PDE4D: variants seen among roughly 807,000 people sequenced by gnomAD.
PDE4D encodes 3',5'-cyclic-AMP phosphodiesterase 4D.
In PDE4D, 24 loss-of-function variants were observed where a neutral mutation model predicts 87.4. The observed-to-expected ratio is 0.27, with a 90% confidence interval of 0.20 to 0.39. The LOEUF (loss-of-function observed/expected upper bound fraction) is 0.39, where lower values mean the gene tolerates loss of function less well. PDE4D is among the 10% of genes least tolerant of loss of function. The pLI, the probability that PDE4D is intolerant of heterozygous loss-of-function variation, is 1.00. For synonymous variants in PDE4D, 384 were observed against 383.2 expected, an observed-to-expected ratio of 1.00 and a Z score of -0.02; for missense variants, 714 against 1,041.0, an observed-to-expected ratio of 0.69 and a Z score of 4.32.
chr5:59,468,298 G>C (rs1400858092), intron 1 of PDE4D, among the ~76,000 whole-genome samples: 1 of 151,162 alleles, frequency 6.6e-6, no homozygotes, highest in Non-Finnish European at 1.5e-5. Context: ...ATTCTTACCA[G>C]TATCTGGTAT....
chr5:60,498,829 T>A (rs928026747), intron 1 of PDE4D, among the ~76,000 whole-genome samples: 2 of 152,218 alleles, frequency 1.3e-5, no homozygotes, highest in Admixed American at 6.5e-5. Flanking sequence ...TAAGGGCTTC[T>A]GCCTTAGCCC....
chr5:59,840,313 G>A (rs375608019), intron 1 of PDE4D, among the ~76,000 whole-genome samples: 2 of 150,388 alleles, frequency 1.3e-5, no homozygotes, highest in African/African-American at 2.5e-5. Context: ...ATCTTGGCAC[G>A]AATCACTCTC....
chr5:60,488,909 AAGAG>A (rs1749361079), upstream of PDE4D, among the ~76,000 whole-genome samples: 1 of 152,190 alleles, frequency 6.6e-6, no homozygotes, highest in African/African-American at 2.4e-5. Context: ...TAGGAATCCT[AAGAG>A]AGAATCAATA....
Position 59,190,912 on chromosome 5 carries a change from C to T in PDE4D, c.684+2588G>A, listed in dbSNP as rs552761121. Among the ~76,000 whole-genome samples the T allele has an allele frequency of 3.3e-5, 5 of 152,114 alleles. No homozygotes were observed. The South Asian group carries it at 1.0e-3, about 32-fold the overall frequency. On this transcript the variant is annotated intron_variant, in intron 3 of 14. Transcript: ENST00000340635. ...TCCAGTAAAAGGCCATTTGTGAAAA[C>T]CATGATGAAGCCCCTTAAAAAAAAT... is the stretch of plus-strand genomic sequence containing the variant.
chr5:60,188,022 T>A (rs891687381), intron 1 of PDE4D, among the ~76,000 whole-genome samples: 1 of 152,188 alleles, frequency 6.6e-6, no homozygotes, highest in Non-Finnish European at 1.5e-5. Flanking sequence ...TTTATCATCA[T>A]CCATCATCAC....
At chr5:59,440,358 C>T (rs1198007659) in intron 1 of PDE4D, among the ~76,000 whole-genome samples, 2 of 152,188 alleles carry the variant, frequency 1.3e-5, no homozygotes, top group Non-Finnish European at 2.9e-5. Flanking sequence ...ACATTTTAAA[C>T]ACCTTTACTT....
intron 6 of PDE4D, among the ~76,000 whole-genome samples, chr5:59,024,694 G>A (rs2968004): frequency 3.3e-5 from 5 of 151,406 alleles, no homozygotes; most frequent in African/African-American, 9.7e-5. Flanking sequence ...TAAACTAATC[G>A]TTTCCTGATG....
At chr5:60,457,233 A>G (rs1746542877) in intron 1 of PDE4D, among the ~76,000 whole-genome samples, 1 of 152,206 alleles carries the variant, frequency 6.6e-6, no homozygotes, top group Non-Finnish European at 1.5e-5. Context: ...CTTTAATAAT[A>G]TTATAAAATA....
chr5:59,771,506 G>A (rs1270909894), intron 1 of PDE4D, among the ~76,000 whole-genome samples: 7 of 128,932 alleles, frequency 5.4e-5, no homozygotes, highest in Non-Finnish European at 1.2e-4. Flanking sequence ...AGAGAAGAAA[G>A]AAAGAAAGAA....
chr5:60,266,178 C>T (rs1287014886), intron 1 of PDE4D, among the ~76,000 whole-genome samples: 1 of 152,050 alleles, frequency 6.6e-6, no homozygotes, highest in Non-Finnish European at 1.5e-5. Flanking sequence ...TGAACACAAT[C>T]TTATCATCAG....
intron 2 of PDE4D, among the ~76,000 whole-genome samples, chr5:60,018,717 C>A (rs929985083): frequency 1.2e-4 from 18 of 152,074 alleles, no homozygotes; most frequent in Admixed American, 3.9e-4. Context: ...AGATTTTAAA[C>A]CAACAAAGAT....
chr5:59,337,584 C>T (rs1224404545), intron 1 of PDE4D, among the ~76,000 whole-genome samples: 1 of 152,042 alleles, frequency 6.6e-6, no homozygotes, highest in East Asian at 1.9e-4. Flanking sequence ...CCCCACAAAG[C>T]CTTATGAGCT....
At position 59,235,992 on chromosome 5, in the gene PDE4D, T is replaced by C. The variant is rs149075415; in HGVS notation, c.456-20024A>G. Among the ~76,000 whole-genome samples the C allele has an allele frequency of 3.9e-5, 6 of 152,268 alleles. No homozygotes were observed. The East Asian group carries it at 9.6e-4, about 24-fold the overall frequency. Reference sequence around the variant, plus strand: ...GAAGAATATTTCAGAAAAATATGAATGTATTTCTTTTGTATTATTTATTGA... The same window carrying C: ...GAAGAATATTTCAGAAAAATATGAACGTATTTCTTTTGTATTATTTATTGA... On this transcript the variant is annotated intron_variant, in intron 1 of 14. Transcript: ENST00000340635.
intron 1 of PDE4D, among the ~76,000 whole-genome samples, chr5:60,479,863 G>A (rs998099549): frequency 1.3e-5 from 2 of 152,132 alleles, no homozygotes; most frequent in African/African-American, 4.8e-5. Context: ...TACTCTCAGG[G>A]GAGAACTGAC....
chr5:59,272,378 G>A (rs1184178353), intron 1 of PDE4D, among the ~76,000 whole-genome samples: 2 of 151,954 alleles, frequency 1.3e-5, no homozygotes, highest in East Asian at 3.9e-4. Context: ...GAATATGTAA[G>A]GTAATATTTT....
intron 3 of PDE4D, among the ~76,000 whole-genome samples, chr5:59,917,447 C>T (rs1754191407): frequency 6.6e-6 from 1 of 152,124 alleles, no homozygotes; most frequent in Non-Finnish European, 1.5e-5. Context: ...CAAATGAAGG[C>T]AACTTATTAC....
At chr5:59,749,128 C>T (rs1398185752) in intron 1 of PDE4D, among the ~76,000 whole-genome samples, 1 of 152,226 alleles carries the variant, frequency 6.6e-6, no homozygotes, top group Non-Finnish European at 1.5e-5. Flanking sequence ...CCTGTATCAT[C>T]ACTACTCTAC....
intron 1 of PDE4D, among the ~76,000 whole-genome samples, chr5:60,333,321 C>T (rs1479316126): frequency 6.6e-6 from 1 of 152,164 alleles, no homozygotes; most frequent in Admixed American, 6.5e-5. Context: ...TGCCATAAAA[C>T]TGTCATCATT....
At chr5:59,912,566 GT>G (rs1352260763) in intron 3 of PDE4D, among the ~76,000 whole-genome samples, 1 of 152,160 alleles carries the variant, frequency 6.6e-6, no homozygotes, top group Non-Finnish European at 1.5e-5. Context: ...AGTTAATTTT[GT>G]GTTTTTTTAA....
Sources: allele counts gnomAD v4.1 joint callset (sites outside exome capture counted in the v4.1 genomes callset), GRCh38; gene constraint gnomAD v4.1.1; transcripts MANE v1.5; gene names NCBI Gene and HGNC (gene_info 2026-07-23, HGNC 2026-07-21).